Variants in DCC observed in about 807,000 individuals in gnomAD.
The protein encoded by DCC is netrin receptor DCC.
DCC carries 58 observed loss-of-function variants against 172.5 expected under a neutral mutation model. That is an observed-to-expected ratio of 0.34 (90% CI 0.27 to 0.42). The LOEUF (loss-of-function observed/expected upper bound fraction) is 0.42. Among genes scored for constraint, DCC ranks in the 10% least tolerant of loss-of-function variants. The probability of loss-of-function intolerance (pLI) is 1.00; values close to 1 mark genes in which losing one functional copy is unlikely to be tolerated. For missense variants in DCC, 1,740 were observed against 1,791.0 expected (o/e 0.97, Z 0.51); for synonymous variants, 709 against 644.5 (o/e 1.10, Z -1.52).
intron 5 of DCC, among the ~76,000 whole-genome samples, chr18:52,938,042 G>T (rs574114654): frequency 6.6e-6 from 1 of 152,152 alleles, no homozygotes; most frequent in Non-Finnish European, 1.5e-5. Flanking sequence ...CTTTATAAGT[G>T]GCATCATAAT....
chr18:52,766,861 C>A (rs1031231863), intron 2 of DCC, among the ~76,000 whole-genome samples: 2 of 151,904 alleles, frequency 1.3e-5, no homozygotes, highest in African/African-American at 2.4e-5. Flanking sequence ...GGGACCGACC[C>A]TTTTCTGCCT....
At chr18:52,345,956 C>CT (rs1370963735) in intron 1 of DCC, among the ~76,000 whole-genome samples, 1 of 152,166 alleles carries the variant, frequency 6.6e-6, no homozygotes, top group East Asian at 1.9e-4. Flanking sequence ...AGTTAAGCTA[C>CT]TTTTTTCCCC....
At chr18:53,296,143 A>C (rs1176700689) in intron 12 of DCC, among the ~76,000 whole-genome samples, 1 of 152,040 alleles carries the variant, frequency 6.6e-6, no homozygotes, top group Non-Finnish European at 1.5e-5. Flanking sequence ...TGCACAAATA[A>C]GTAGGTCCAT....
intron 1 of DCC, among the ~76,000 whole-genome samples, chr18:52,624,073 T>C (rs1488425902): frequency 1.3e-5 from 2 of 152,106 alleles, no homozygotes; most frequent in African/African-American, 4.8e-5. Flanking sequence ...CATAACAATT[T>C]TTTCTGTAAT....
chr18:52,952,268 A>G (rs1224330445), intron 5 of DCC, among the ~76,000 whole-genome samples: 2 of 152,182 alleles, frequency 1.3e-5, no homozygotes, highest in African/African-American at 4.8e-5. Context: ...GGAGTATATG[A>G]ACACTAAAAA....
chr18:53,446,105 A>AAC (rs1912587722), intron 22 of DCC, among the ~76,000 whole-genome samples: 1 of 143,334 alleles, frequency 7.0e-6, no homozygotes, highest in African/African-American at 2.6e-5. Flanking sequence ...CTACAAAAAA[A>AAC]AAAAAAAAAC....
rs372881959 is a variant in DCC, at chr18:53,415,374, A to T, written c.3131-750A>T. Among the ~76,000 whole-genome samples, 5 of 152,064 alleles carry T rather than the reference A, an allele frequency of 3.3e-5. No individual in the cohort carries two copies. The East Asian group carries it at 5.8e-4, about 18-fold the overall frequency. Reference sequence around the variant, plus strand: ...GTCAAGTCTAGGTAAAAATAATTCTACTAGTAATTGAGGGAGGGAAGCTTA... The same window carrying T: ...GTCAAGTCTAGGTAAAAATAATTCTTCTAGTAATTGAGGGAGGGAAGCTTA... On this transcript the variant is annotated intron_variant, in intron 20 of 28. Coordinates refer to ENST00000442544, the MANE Select transcript of DCC (RefSeq NM_005215.4).
At chr18:52,830,115 T>A (rs1598846348) in intron 2 of DCC, among the ~76,000 whole-genome samples, 1 of 151,940 alleles carries the variant, frequency 6.6e-6, no homozygotes, top group Non-Finnish European at 1.5e-5. Flanking sequence ...TGAAGGGAAG[T>A]AAGCAAGCCA....
intron 5 of DCC, among the ~76,000 whole-genome samples, chr18:53,052,915 C>T (rs1027296393): frequency 2.0e-5 from 3 of 151,860 alleles, no homozygotes; most frequent in East Asian, 3.9e-4. Flanking sequence ...GGCTGAGGTG[C>T]GAAGATCACT....
chr18:53,358,554 C>CTTTT (rs2057906615), intron 15 of DCC, among the ~76,000 whole-genome samples: 2 of 88,244 alleles, frequency 2.3e-5, no homozygotes, highest in African/African-American at 5.8e-5. Flanking sequence ...TTTTTTTTTG[C>CTTTT]GACAGAGTCT....
chr18:53,360,505 T>G (rs1481931536), intron 15 of DCC, among the ~76,000 whole-genome samples: 2 of 152,162 alleles, frequency 1.3e-5, no homozygotes, highest in African/African-American at 4.8e-5. Context: ...GAATGACATT[T>G]CCCTAAACTA....
chr18:52,883,148 A>G (rs1364715234), intron 2 of DCC, among the ~76,000 whole-genome samples: 1 of 151,878 alleles, frequency 6.6e-6, no homozygotes, highest in Non-Finnish European at 1.5e-5. Flanking sequence ...GCATCTTTAC[A>G]GGTGAGATGT....
At chr18:52,513,720 C>T (rs781064790) in intron 1 of DCC, among the ~76,000 whole-genome samples, 4 of 152,152 alleles carry the variant, frequency 2.6e-5, no homozygotes, top group African/African-American at 4.8e-5. Flanking sequence ...CTCCATACTA[C>T]ATGATGGTCA....
intron 27 of DCC, chr18:53,505,174 G>A (rs540498669): frequency 6.6e-6 from 1 of 152,222 alleles, no homozygotes; most frequent in East Asian, 1.9e-4. Context: ...AGCAAAAGTA[G>A]CAACTAGCTG....
chr18:53,179,099 T>G lies in DCC; in HGVS notation c.1556T>G (p.Val519Gly), dbSNP rs773575225. The change falls in exon 9 of 29, where the codon GTG becomes GGG. Residue 519 changes from valine (V) to glycine (G), a missense_variant. Val to Gly is a moderately radical substitution (Grantham distance 109). Around this residue, in one of 2 missense-constraint regions of DCC, gnomAD observed 1,732 missense variants for 1,767.4 expected, o/e 0.98. Coordinates refer to ENST00000442544, the MANE Select transcript of DCC (RefSeq NM_005215.4). ...GGAGAGAGTTCTCAACCCATCAAGG[T>G]GGCCACACAGCCTGAGTGTGAGTAT... ...GPGESSQPIK[V>G]ATQPELQVPG... is the part of the protein sequence containing the mutation. The G allele has an allele frequency of 6.2e-7, 1 of 1,613,872 alleles. No homozygotes were observed. Among genetic ancestry groups the G allele is most frequent in the South Asian group, 1.1e-5 (1 of 91,066 alleles).
intron 1 of DCC, among the ~76,000 whole-genome samples, chr18:52,535,336 C>A (rs2032258791): frequency 6.6e-6 from 1 of 152,166 alleles, no homozygotes; most frequent in Non-Finnish European, 1.5e-5. Context: ...GGATTTCACC[C>A]TTTTGGGAAG....
intron 5 of DCC, among the ~76,000 whole-genome samples, chr18:53,033,192 AC>A (rs2042048029): frequency 6.6e-6 from 1 of 151,990 alleles, no homozygotes; most frequent in African/African-American, 2.4e-5. Flanking sequence ...AACTGGCAAA[AC>A]CCCAAGCATG....
intron 2 of DCC, among the ~76,000 whole-genome samples, chr18:52,790,151 C>A (rs78636654): frequency 6.6e-6 from 1 of 152,218 alleles, no homozygotes; most frequent in East Asian, 1.9e-4. Context: ...AGTATTGCCA[C>A]GTGGTTACAG....
At chr18:52,449,673 G>T (rs1988238990) in intron 1 of DCC, among the ~76,000 whole-genome samples, 2 of 152,164 alleles carry the variant, frequency 1.3e-5, no homozygotes, top group Non-Finnish European at 2.9e-5. Flanking sequence ...TGGTTTGGGG[G>T]TGTCCCCACC....
Sources: gnomAD v4.1 joint callset for allele counts (sites outside exome capture counted in the v4.1 genomes callset) on GRCh38, gnomAD v4.1.1 for gene constraint, gnomAD v4.1.1 regional missense constraint, MANE v1.5 for transcripts, NCBI Gene and HGNC (gene_info 2026-07-23, HGNC 2026-07-21) for gene names.